The following TNFAIP1 variants were observed in gnomAD, a reference collection of about 807,000 sequenced individuals.
The protein encoded by TNFAIP1 is BTB/POZ domain-containing adapter for CUL3-mediated RhoA degradation protein 2.
In TNFAIP1, 20 loss-of-function variants were observed where a neutral mutation model predicts 32.6. The ratio of observed to expected loss-of-function variants is 0.61; its 90% CI spans 0.43 to 0.89. The LOEUF is 0.89. TNFAIP1 is among the 40% of genes least tolerant of loss of function. The pLI is 0.00. For synonymous variants in TNFAIP1, 166 were observed against 166.8 expected (o/e 1.00, Z 0.04); for missense variants, 319 against 425.1 (o/e 0.75, Z 2.20).
Position 28,342,499 on chromosome 17 carries a change from A to G in TNFAIP1, c.714+57A>G. On this transcript the variant is annotated intron_variant, in intron 6 of 6. Transcript: ENST00000226225. This position sits in a 1 kb window ranked among gnomAD's most constrained non-coding sequence, Gnocchi z 4.0. ...AGGACACACACCCACTGTGCGGGGG[A>G]CGTGGTCGGGCTGTGACCAGCACGG... is the stretch of plus-strand genomic sequence containing the variant. 6.7e-7 allele frequency: 1 copy of G among 1,497,978 alleles called. No individual in the cohort carries two copies. The highest frequency in any genetic ancestry group is 9.0e-7 in the Non-Finnish European group (1 of 1,105,590). The allele number at this position is 1,497,978 out of a possible 1,614,324, so 92.8% of individuals were successfully genotyped here.
chr17:28,336,319 C>T (rs1907154840), intron 1 of TNFAIP1: 1 of 152,216 alleles, frequency 6.6e-6, no homozygotes, highest in Non-Finnish European at 1.5e-5. Flanking sequence ...TATCCACACA[C>T]AAAGTGCGGA....
Position 28,339,531 on chromosome 17 carries a change from G to T in TNFAIP1, c.10G>T (p.Asp4Tyr), listed in dbSNP as rs375008673. The change falls in exon 2 of 7, where the codon GAC becomes TAC. Residue 4 changes from aspartate (D) to tyrosine (Y), a missense_variant. Coordinates refer to ENST00000226225, the MANE Select transcript of TNFAIP1 (RefSeq NM_021137.5). MSG[D>Y]TCLCPASGAK... ...CTACCTGCAGCGGGAGATGTCGGGGGACACCTGCCTGTGCCCAGCCTCAGG... is the reference window on the plus strand; with the variant it reads ...CTACCTGCAGCGGGAGATGTCGGGGTACACCTGCCTGTGCCCAGCCTCAGG... The T allele has an allele frequency of 2.5e-6, 4 of 1,602,040 alleles. No homozygotes were observed. Among genetic ancestry groups the T allele is most frequent in the South Asian group, 1.1e-5 (1 of 89,660 alleles).
chr17:28,344,882 C>T lies in TNFAIP1; in HGVS notation c.*282C>T, dbSNP rs782189020. 3 of 491,658 alleles carry T rather than the reference C, an allele frequency of 6.1e-6. No individual in the cohort carries two copies. Among genetic ancestry groups the T allele is most frequent in the East Asian group, 3.6e-5 (1 of 27,796 alleles). The allele number at this position is 491,658 out of a possible 1,614,324, so 30.5% of individuals were successfully genotyped here. Reference sequence around the variant, plus strand: ...TCCCTGGGGCATATGGACTGACCCACCTCCTGCTGAGAACCTTCCCCTAGG... The same window carrying T: ...TCCCTGGGGCATATGGACTGACCCATCTCCTGCTGAGAACCTTCCCCTAGG... On this transcript the variant is annotated 3_prime_UTR_variant, in exon 7 of 7. Coordinates refer to ENST00000226225, the MANE Select transcript of TNFAIP1 (RefSeq NM_021137.5).
At chr17:28,341,488 G>T in intron 5 of TNFAIP1, 32 bp downstream of exon 5, 1 of 1,613,118 alleles carries the variant, frequency 6.2e-7, no homozygotes, top group South Asian at 1.1e-5. Context: ...AACAGACACT[G>T]GGCAGCAGAC....
In TNFAIP1 at chr17:28,342,403, T is replaced by C. The variant is rs782498661; in HGVS notation, c.675T>C (p.Cys225=). ...GCCGTAAGCTGGCAGAGGTGTGCTG[T>C]ACCTCCATCGTGTATGCCACGGAGA... The part of the protein sequence containing the change: ...GQGRKLAEVC[C]TSIVYATEKK... The change falls in exon 6 of 7, where the codon TGT becomes TGC. Residue 225 remains cysteine (C), a synonymous_variant. Transcript: ENST00000226225. The surrounding 1 kb of genome is among the most constrained non-coding windows in gnomAD (Gnocchi z 4.0). The C allele has an allele frequency of 2.5e-6, 4 of 1,596,410 alleles. No individual in the cohort carries two copies. The highest frequency in any genetic ancestry group is 1.3e-5 in the African/African-American group (1 of 74,660).
In TNFAIP1 at chr17:28,340,239, C is replaced by A; in HGVS notation, c.206-70C>A. 1 of 1,538,688 alleles carries A rather than the reference C, an allele frequency of 6.5e-7. No homozygotes were observed. Among genetic ancestry groups the A allele is most frequent in the Non-Finnish European group, 8.9e-7 (1 of 1,122,016 alleles). On this transcript the variant is annotated intron_variant, in intron 2 of 6. Coordinates refer to ENST00000226225, the MANE Select transcript of TNFAIP1 (RefSeq NM_021137.5). The surrounding 1 kb of genome is among the most constrained non-coding windows in gnomAD (Gnocchi z 4.1). ...TCCCTGCCACCTGCCGCCAGCTTGT[C>A]AGGTGGCCTTTGCCTGCCTCGGAGG...
chr17:28,341,531 C>T (rs1471139666), intron 5 of TNFAIP1, 75 bp downstream of exon 5: 23 of 1,550,254 alleles, frequency 1.5e-5, no homozygotes, highest in Middle Eastern at 2.2e-4. Flanking sequence ...CCAGCACGGT[C>T]GGCGTGGGTC....
chr17:28,336,859 C>A (rs1336565489), intron 1 of TNFAIP1, among the ~76,000 whole-genome samples: 1 of 152,182 alleles, frequency 6.6e-6, no homozygotes, highest in African/African-American at 2.4e-5. Flanking sequence ...CAGGGACTTA[C>A]CTAAATCTTT....
Position 28,344,280 on chromosome 17 carries a change from T to C in TNFAIP1, c.715-84T>C, listed in dbSNP as rs1199833985. ...TTTATGAGAGGTAGCGGAGGCCTTA[T>C]GGAGCCTCAGGGCCAGCCGCTCTGA... On this transcript the variant is annotated intron_variant, in intron 6 of 6. Coordinates refer to ENST00000226225, the MANE Select transcript of TNFAIP1 (RefSeq NM_021137.5). 1.7e-5 allele frequency: 21 copies of C among 1,236,248 alleles called. No individual in the cohort carries two copies. In the Admixed American group the frequency reaches 3.1e-4, roughly 18 times the overall value. The allele number at this position is 1,236,248 out of a possible 1,614,324, so 76.6% of individuals were successfully genotyped here. A position where few individuals can be genotyped will look rare whatever the true frequency, so the allele number is the denominator to read the frequency against.
chr17:28,342,515 A>AC lies in TNFAIP1; in HGVS notation c.714+75dup, dbSNP rs752679402. On this transcript the variant is annotated intron_variant, in intron 6 of 6. Transcript: ENST00000226225. The surrounding 1 kb of genome is among the most constrained non-coding windows in gnomAD (Gnocchi z 4.0). ...GTGCGGGGGACGTGGTCGGGCTGTG[A>AC]CCAGCACGGAGCAAAAGGGGCATGG... The AC allele has an allele frequency of 4.2e-6, 6 of 1,428,082 alleles. No individual in the cohort carries two copies. The highest frequency in any genetic ancestry group is 5.6e-6 in the Non-Finnish European group (6 of 1,063,126). The allele number at this position is 1,428,082 out of a possible 1,614,324, so 88.5% of individuals were successfully genotyped here.
intron 1 of TNFAIP1, chr17:28,336,638 G>A (rs1907172594): frequency 6.6e-6 from 1 of 152,264 alleles, no homozygotes; most frequent in African/African-American, 2.4e-5. Context: ...TGTTAGAGAG[G>A]TGGATTTATT....
intron 1 of TNFAIP1, among the ~76,000 whole-genome samples, chr17:28,338,160 T>G (rs896849242): frequency 6.6e-6 from 1 of 152,070 alleles, no homozygotes; most frequent in African/African-American, 2.4e-5. Context: ...TGCCAAGAGA[T>G]GGGGTCTTGC....
chr17:28,341,230 C>T lies in TNFAIP1; in HGVS notation c.376-7C>T, dbSNP rs529904785. The stretch of plus-strand genomic sequence containing the variant: ...CTAAAGAGGGTTCTCTGTTCTGTGT[C>T]GCACAGGACAAGAAGGACTCCTACC... On this transcript the variant is annotated splice_region_variant and splice_polypyrimidine_tract_variant and intron_variant, in intron 3 of 6. Coordinates refer to ENST00000226225, the MANE Select transcript of TNFAIP1 (RefSeq NM_021137.5). 7.4e-6 allele frequency: 12 copies of T among 1,613,774 alleles called. No homozygotes were observed. The highest frequency in any genetic ancestry group is 4.5e-5 in the East Asian group (2 of 44,876).
intron 6 of TNFAIP1, among the ~76,000 whole-genome samples, chr17:28,343,659 AGT>A (rs1244152896): frequency 6.6e-6 from 1 of 151,708 alleles, no homozygotes; most frequent in African/African-American, 2.4e-5. Flanking sequence ...CATCTTCTTA[AGT>A]GTGTTGTCTT....
Position 28,342,299 on chromosome 17 carries a change from C to G in TNFAIP1, c.571C>G (p.Leu191Val), listed in dbSNP as rs1555578272. 5 of 1,596,468 alleles carry G rather than the reference C, an allele frequency of 3.1e-6. No homozygotes were observed. Among genetic ancestry groups the G allele is most frequent in the Admixed American group, 3.3e-5 (2 of 59,782 alleles). ...CATCGAGCTGTTTGACAAGCTCTCC[C>G]TGCGCTTCAACGGCCGCGTGCTCTT... ...KNIELFDKLS[L>V]RFNGRVLFIK... Residue 191 changes from leucine to valine, a missense_variant, in exon 6 of 7, where the codon CTG (leucine) becomes GTG (valine). By Grantham distance (32) the Leu-to-Val change is conservative. Transcript: ENST00000226225. This position sits in a 1 kb window ranked among gnomAD's most constrained non-coding sequence, Gnocchi z 4.0.
At chr17:28,339,802 A>G (rs894558450) in intron 2 of TNFAIP1, 76 bp downstream of exon 2, 8 of 1,495,366 alleles carry the variant, frequency 5.3e-6, no homozygotes, top group Admixed American at 1.8e-5. Flanking sequence ...TCTAGAATTC[A>G]GTCACTTTTC....
intron 5 of TNFAIP1, among the ~76,000 whole-genome samples, chr17:28,341,864 G>A (rs917062520): frequency 2.0e-5 from 3 of 152,162 alleles, no homozygotes; most frequent in Non-Finnish European, 4.4e-5. Flanking sequence ...GGTAGACGCA[G>A]GTGGCTGCAG....
intron 1 of TNFAIP1, among the ~76,000 whole-genome samples, chr17:28,339,141 G>A (rs528139544): frequency 1.3e-5 from 2 of 151,738 alleles, no homozygotes; most frequent in East Asian, 3.9e-4. Context: ...AGGAGGCTGA[G>A]GTGGGAGGAT....
At chr17:28,343,199 G>A (rs1383832348) in intron 6 of TNFAIP1, among the ~76,000 whole-genome samples, 3 of 152,088 alleles carry the variant, frequency 2.0e-5, no homozygotes, top group African/African-American at 7.2e-5. Flanking sequence ...AACCAGCTGG[G>A]GGTTTCTGGC....
Sources: allele counts gnomAD v4.1 joint callset (sites outside exome capture counted in the v4.1 genomes callset), GRCh38; gene constraint gnomAD v4.1.1; non-coding constraint Gnocchi (gnomAD v3.1); transcripts MANE v1.5; gene names NCBI Gene and HGNC (gene_info 2026-07-23, HGNC 2026-07-21).